Variants in OR2L13 observed in about 807,000 individuals in gnomAD.
The protein encoded by OR2L13 is olfactory receptor family 2 subfamily L member 13, also known as olfactory receptor 2L13.
Under a neutral mutation model 15.3 loss-of-function variants are expected in OR2L13, and 14 were observed. That is an observed-to-expected ratio of 0.91 (90% CI 0.60 to 1.43). The LOEUF (loss-of-function observed/expected upper bound fraction) is 1.43. Among genes scored for constraint, OR2L13 ranks in the 40% most tolerant of loss-of-function variants. The probability of loss-of-function intolerance (pLI) is 0.00; values close to 1 mark genes in which losing one functional copy is unlikely to be tolerated. For synonymous variants in OR2L13, 152 were observed against 142.9 expected, an observed-to-expected ratio of 1.06 and a Z score of -0.45; for missense variants, 367 against 387.9, an observed-to-expected ratio of 0.95 and a Z score of 0.45.
the OR2L13 span, among the ~76,000 whole-genome samples, chr1:248,027,589 C>T: frequency 6.6e-6 from 1 of 152,194 alleles, no homozygotes; most frequent in South Asian, 2.1e-4. Flanking sequence ...TGTCCTCTGT[C>T]CCTTTATTTC....
At chr1:248,020,360 A>T in the OR2L13 span, among the ~76,000 whole-genome samples, 46,191 of 152,014 alleles carry the variant, frequency 0.3, 11,348 homozygotes, top group African/African-American at 0.68. Flanking sequence ...CTAGAACTAA[A>T]AAAGGAATTC....
At chr1:247,964,894 T>A in the OR2L13 span, among the ~76,000 whole-genome samples, 1 of 148,674 alleles carries the variant, frequency 6.7e-6, no homozygotes, top group Admixed American at 6.7e-5. Flanking sequence ...TATTTTTATA[T>A]AATATTCATA....
chr1:248,034,678 T>C, the OR2L13 span, among the ~76,000 whole-genome samples: 1 of 152,226 alleles, frequency 6.6e-6, no homozygotes, highest in African/African-American at 2.4e-5. Flanking sequence ...TTTCAATATA[T>C]AAGCCTTTTA....
At chr1:248,057,152 G>A in the OR2L13 span, among the ~76,000 whole-genome samples, 3 of 152,074 alleles carry the variant, frequency 2.0e-5, no homozygotes, top group African/African-American at 7.2e-5. Context: ...ACATCTATCA[G>A]GTCCACATGA....
chr1:248,036,872 A>G, the OR2L13 span, among the ~76,000 whole-genome samples: 1 of 152,152 alleles, frequency 6.6e-6, no homozygotes, highest in African/African-American at 2.4e-5. Context: ...TATGGATCTT[A>G]ACAAAAAATT....
the OR2L13 span, chr1:248,042,443 C>G: frequency 6.6e-6 from 1 of 151,656 alleles, no homozygotes; most frequent in Non-Finnish European, 1.5e-5. Context: ...CAGCATGGCT[C>G]ATGTATACAT....
chr1:248,083,858 C>T, the OR2L13 span: 1,284 of 1,612,320 alleles, frequency 8.0e-4, 14 homozygotes, highest in East Asian at 0.025. Flanking sequence ...AAAAGAGTCC[C>T]ACCACAGCCA....
At chr1:248,013,365 T>A in the OR2L13 span, among the ~76,000 whole-genome samples, 2 of 152,120 alleles carry the variant, frequency 1.3e-5, no homozygotes, top group African/African-American at 4.8e-5. Flanking sequence ...CCACTGAGTT[T>A]CCCCTTGACA....
At chr1:248,079,192 T>G in the OR2L13 span, among the ~76,000 whole-genome samples, 1 of 152,122 alleles carries the variant, frequency 6.6e-6, no homozygotes, top group Non-Finnish European at 1.5e-5. Flanking sequence ...TTCCTGGGTT[T>G]GATAATGTAC....
At chr1:247,995,885 A>G in the OR2L13 span, among the ~76,000 whole-genome samples, 1 of 152,140 alleles carries the variant, frequency 6.6e-6, no homozygotes, top group East Asian at 1.9e-4. Context: ...CCGAATTACA[A>G]TGGGTCCACT....
At chr1:248,071,965 A>G in the OR2L13 span, among the ~76,000 whole-genome samples, 3 of 151,670 alleles carry the variant, frequency 2.0e-5, no homozygotes, top group Non-Finnish European at 4.4e-5. Context: ...CCACTGCTCA[A>G]TGAAATAAAA....
chr1:247,987,168 G>A, the OR2L13 span, among the ~76,000 whole-genome samples: 21 of 152,020 alleles, frequency 1.4e-4, no homozygotes, highest in African/African-American at 5.1e-4. Context: ...ACATTCAATG[G>A]GTCACAGCAA....
chr1:248,019,170 T>C, the OR2L13 span, among the ~76,000 whole-genome samples: 3 of 152,156 alleles, frequency 2.0e-5, no homozygotes, highest in Non-Finnish European at 2.9e-5. Context: ...CTGGAGCATA[T>C]AATAATTCTG....
the OR2L13 span, chr1:248,039,071 A>G: frequency 6.2e-7 from 1 of 1,614,154 alleles, no homozygotes; most frequent in African/African-American, 1.3e-5. Flanking sequence ...GATCTCCAAC[A>G]GAGGACAAGA....
At chr1:247,959,986 A>G in the OR2L13 span, among the ~76,000 whole-genome samples, 1 of 152,164 alleles carries the variant, frequency 6.6e-6, no homozygotes, top group African/African-American at 2.4e-5. Context: ...CTGGTGAGGA[A>G]CTGCGTTCCT....
At chr1:248,064,903 C>T in the OR2L13 span, among the ~76,000 whole-genome samples, 211 of 152,248 alleles carry the variant, frequency 1.4e-3, no homozygotes, top group Non-Finnish European at 2.2e-3. Flanking sequence ...CTTCAAAATT[C>T]GTTTACCCCT....
the OR2L13 span, chr1:248,023,047 G>A: frequency 1.6e-6 from 1 of 629,962 alleles, no homozygotes; most frequent in Non-Finnish European, 2.6e-6. Context: ...CATATTCTAA[G>A]ACATCTATTT....
At chr1:248,083,559 A>G in the OR2L13 span, 2 of 1,005,184 alleles carry the variant, frequency 2.0e-6, no homozygotes, top group Non-Finnish European at 1.5e-6. Context: ...CTGTTCATGA[A>G]CTACTAAAGG....
chr1:248,025,963 G>A, the OR2L13 span, among the ~76,000 whole-genome samples: 11 of 141,720 alleles, frequency 7.8e-5, no homozygotes, highest in African/African-American at 3.1e-4. Flanking sequence ...GTGGGGGGAG[G>A]GGGGAAGGAT....
Sources: gnomAD v4.1 joint callset for allele counts (sites outside exome capture counted in the v4.1 genomes callset) on GRCh38, gnomAD v4.1.1 for gene constraint, MANE v1.5 for transcripts, NCBI Gene and HGNC (gene_info 2026-07-23, HGNC 2026-07-21) for gene names.